ADHFE1: variants seen among roughly 807,000 people sequenced by gnomAD.
The protein encoded by ADHFE1 is alcohol dehydrogenase iron containing 1, also known as hydroxyacid-oxoacid transhydrogenase, mitochondrial.
ADHFE1 carries 37 observed loss-of-function variants against 54.8 expected under a neutral mutation model. That is an observed-to-expected ratio of 0.68 (90% CI 0.52 to 0.89). The LOEUF (loss-of-function observed/expected upper bound fraction) is 0.89. ADHFE1 is among the 40% of genes least tolerant of loss of function. The probability of loss-of-function intolerance (pLI) is 0.00; values close to 1 mark genes in which losing one functional copy is unlikely to be tolerated. For synonymous variants in ADHFE1, 203 were observed against 229.3 expected (o/e 0.89, Z 1.04); for missense variants, 601 against 591.2 (o/e 1.02, Z -0.17).
At chr8:66,446,613 A>G (rs1270258050) in intron 6 of ADHFE1, among the ~76,000 whole-genome samples, 1 of 152,182 alleles carries the variant, frequency 6.6e-6, no homozygotes, top group South Asian at 2.1e-4. Flanking sequence ...ACACACATGT[A>G]TGTTAATACA....
At chr8:66,446,588 T>C (rs1178500359) in intron 6 of ADHFE1, among the ~76,000 whole-genome samples, 2 of 152,160 alleles carry the variant, frequency 1.3e-5, no homozygotes, top group Non-Finnish European at 2.9e-5. Context: ...GGTACAGAGA[T>C]CACATGCACA....
At chr8:66,438,627 A>G (rs1402606030) in intron 1 of ADHFE1, among the ~76,000 whole-genome samples, 12 of 152,154 alleles carry the variant, frequency 7.9e-5, no homozygotes. Flanking sequence ...CGAGACCCAG[A>G]AACGAAGCCA....
At chr8:66,447,816 C>A (rs1424721976) in intron 7 of ADHFE1, among the ~76,000 whole-genome samples, 1 of 152,088 alleles carries the variant, frequency 6.6e-6, no homozygotes, top group Non-Finnish European at 1.5e-5. Context: ...CTTAATTGGC[C>A]ATTCTCTGCC....
At chr8:66,445,182 A>G in intron 5 of ADHFE1, 36 bp from the exon 6 acceptor site, 1 of 1,550,158 alleles carries the variant, frequency 6.5e-7, no homozygotes, top group Non-Finnish European at 8.7e-7. Flanking sequence ...TTTCTGAAAA[A>G]TATAACATAC....
At chr8:66,445,147 C>A (rs754556405) in intron 5 of ADHFE1, 71 bp from the exon 6 acceptor site, 34 of 1,405,662 alleles carry the variant, frequency 2.4e-5, no homozygotes, top group Non-Finnish European at 2.8e-5. Context: ...TTACCCCAAG[C>A]CTTAGTTAAT....
In ADHFE1 at chr8:66,468,620, T is replaced by A; in HGVS notation, c.*268T>A. 4.5e-6 allele frequency: 1 copy of A among 220,076 alleles called. No individual in the cohort carries two copies. Among genetic ancestry groups the A allele is most frequent in the Admixed American group, 5.8e-5 (1 of 17,294 alleles). 13.6% of individuals were successfully genotyped at this position (220,076 alleles called of 1,614,324 possible). On this transcript the variant is annotated 3_prime_UTR_variant, in exon 14 of 14. Coordinates refer to ENST00000396623, the MANE Select transcript of ADHFE1 (RefSeq NM_144650.3). ...GTCCCAAACCCCACACAGAATACTC[T>A]GCCTCTGTTTCATGTAGCAAATGAG...
chr8:66,452,105 G>C lies in ADHFE1; in HGVS notation c.887G>C (p.Arg296Thr), dbSNP rs752213936. 6.2e-7 allele frequency: 1 copy of C among 1,613,868 alleles called. No individual in the cohort carries two copies. Among genetic ancestry groups the C allele is most frequent in the Non-Finnish European group, 8.5e-7 (1 of 1,179,938 alleles). The change falls in exon 9 of 14, where the codon AGG (arginine) becomes ACG (threonine). Residue 296 changes from arginine to threonine, a missense_variant and splice_region_variant. Coordinates refer to ENST00000396623, the MANE Select transcript of ADHFE1 (RefSeq NM_144650.3). Reference sequence around the variant, plus strand: ...CGGATCGTGGCTAAGTATCTGAAGAGGTATGTCACCCCGAAGGGGATAGAA... The same window carrying C: ...CGGATCGTGGCTAAGTATCTGAAGACGTATGTCACCCCGAAGGGGATAGAA... ...ALRIVAKYLK[R>T]AVRNPDDLEA...
chr8:66,448,992 AG>A, intron 8 of ADHFE1, 22 bp downstream of exon 8: 2 of 1,603,176 alleles, frequency 1.2e-6, no homozygotes, highest in Non-Finnish European at 1.7e-6. Context: ...TGCCTCCTGG[AG>A]GGGCTTTTTT....
At chr8:66,433,566 G>A (rs1034223535) in intron 1 of ADHFE1, among the ~76,000 whole-genome samples, 3 of 152,008 alleles carry the variant, frequency 2.0e-5, no homozygotes. Context: ...TTTGTCCAGT[G>A]TCACACAGCT....
At chr8:66,432,627 C>G in intron 1 of ADHFE1, 52 bp downstream of exon 1, 12 of 1,276,136 alleles carry the variant, frequency 9.4e-6, no homozygotes, top group Non-Finnish European at 1.2e-5. Flanking sequence ...CCCACGCAGC[C>G]CCCTGGGTGT....
At chr8:66,445,073 C>A in intron 5 of ADHFE1, 145 bp from the exon 6 acceptor site, 2 of 796,092 alleles carry the variant, frequency 2.5e-6, no homozygotes, top group Non-Finnish European at 3.8e-6. Flanking sequence ...TGCACTGCAG[C>A]CTGGGCAACA....
At chr8:66,464,297 TAACC>T (rs1807055649) in intron 13 of ADHFE1, among the ~76,000 whole-genome samples, 1 of 152,192 alleles carries the variant, frequency 6.6e-6, no homozygotes, top group Non-Finnish European at 1.5e-5. Context: ...TTGTCCTGTT[TAACC>T]AATCACTGGG....
At chr8:66,444,039 G>T (rs1050528131) in intron 3 of ADHFE1, among the ~76,000 whole-genome samples, 3 of 152,198 alleles carry the variant, frequency 2.0e-5, no homozygotes, top group Admixed American at 1.3e-4. Flanking sequence ...GCAAGGGTGG[G>T]TGGATGAATG....
At chr8:66,458,853 C>T (rs564017374) in intron 12 of ADHFE1, among the ~76,000 whole-genome samples, 22 of 152,210 alleles carry the variant, frequency 1.4e-4, no homozygotes, top group African/African-American at 5.3e-4. Context: ...GCAGAGATTT[C>T]GATGGTGTTT....
At chr8:66,466,395 C>T (rs1160881293) in intron 13 of ADHFE1, among the ~76,000 whole-genome samples, 3 of 152,106 alleles carry the variant, frequency 2.0e-5, no homozygotes, top group Admixed American at 2.0e-4. Flanking sequence ...GGTGTTACAT[C>T]CAAGAAATCA....
intron 9 of ADHFE1, chr8:66,453,742 G>T: frequency 7.2e-7 from 1 of 1,382,242 alleles, no homozygotes; most frequent in South Asian, 1.1e-5. Context: ...TGAAGAAGAA[G>T]AATGAGTCTC....
chr8:66,440,096 G>C lies in ADHFE1; in HGVS notation c.60-66G>C, dbSNP rs780016371. The C allele has an allele frequency of 2.9e-5, 44 of 1,502,248 alleles. 1 individual carries two copies. The highest frequency in any genetic ancestry group is 1.7e-4 in the Middle Eastern group (1 of 5,820). The allele number at this position is 1,502,248 out of a possible 1,614,324, so 93.1% of individuals were successfully genotyped here. ...AGACTGCAATGTGAGTTAGCTTAAG[G>C]CTTTTCATTTTTTGGTCTCTATTTT... On this transcript the variant is annotated intron_variant, in intron 1 of 13. Coordinates refer to ENST00000396623, the MANE Select transcript of ADHFE1 (RefSeq NM_144650.3).
At position 66,439,475 on chromosome 8, in the gene ADHFE1, A is replaced by G. The variant is rs1318874390; in HGVS notation, c.60-687A>G. The G allele has an allele frequency of 6.1e-6, 6 of 986,036 alleles. No individual in the cohort carries two copies. The highest frequency in any genetic ancestry group is 6.0e-6 in the Non-Finnish European group (5 of 830,332). The allele number at this position is 986,036 out of a possible 1,614,324, so 61.1% of individuals were successfully genotyped here. A position where few individuals can be genotyped will look rare whatever the true frequency, so the allele number is the denominator to read the frequency against. On this transcript the variant is annotated intron_variant, in intron 1 of 13. Transcript: ENST00000396623. This position sits in a 1 kb window ranked among gnomAD's most constrained non-coding sequence, Gnocchi z 4.4. ...GGAGGGAGGGTTTCCAAAAAGGAGG[A>G]CGTGGGAAATCTGTAGAGAAGTCGA...
chr8:66,433,124 C>G (rs1330845677), intron 1 of ADHFE1, among the ~76,000 whole-genome samples: 1 of 152,120 alleles, frequency 6.6e-6, no homozygotes, highest in African/African-American at 2.4e-5. Context: ...TATTCAATGT[C>G]ATGACACGCC....
Sources: allele counts gnomAD v4.1 joint callset (sites outside exome capture counted in the v4.1 genomes callset), GRCh38; gene constraint gnomAD v4.1.1; non-coding constraint Gnocchi (gnomAD v3.1); transcripts MANE v1.5; gene names NCBI Gene and HGNC (gene_info 2026-07-23, HGNC 2026-07-21).